The following PCDHGA3 variants were observed in gnomAD, a reference collection of about 807,000 sequenced individuals.
PCDHGA3 encodes protocadherin gamma-A3.
Under a neutral mutation model 58.5 loss-of-function variants are expected in PCDHGA3, and 40 were observed. The ratio of observed to expected loss-of-function variants is 0.68; its 90% CI spans 0.53 to 0.89. PCDHGA3 has a LOEUF of 0.89. Ranked by LOEUF, PCDHGA3 falls within the 40% of genes least tolerant of loss-of-function variation. The pLI is 0.00. For synonymous variants in PCDHGA3, 530 were observed against 525.7 expected, an observed-to-expected ratio of 1.01 and a Z score of -0.11; for missense variants, 1,223 against 1,195.9, an observed-to-expected ratio of 1.02 and a Z score of -0.33.
At chr5:141,507,862 G>A (rs17286954) in intron 3 of PCDHGA3, among the ~76,000 whole-genome samples, 4 of 152,076 alleles carry the variant, frequency 2.6e-5, no homozygotes, top group African/African-American at 7.2e-5. Flanking sequence ...TTTCACACCC[G>A]CTTCCTAGCC....
intron 1 of PCDHGA3, chr5:141,421,683 A>G (rs1238944281): frequency 1.2e-6 from 2 of 1,613,758 alleles, no homozygotes; most frequent in African/African-American, 1.3e-5. Flanking sequence ...CTGGGGCGCG[A>G]TTTGCTCTTC....
intron 1 of PCDHGA3, among the ~76,000 whole-genome samples, chr5:141,474,165 A>G (rs1444314307): frequency 6.6e-6 from 1 of 152,234 alleles, no homozygotes; most frequent in Non-Finnish European, 1.5e-5. Context: ...GACAGGCCTT[A>G]TTATTGAGAA....
intron 1 of PCDHGA3, among the ~76,000 whole-genome samples, chr5:141,456,101 G>A (rs1231843666): frequency 6.6e-6 from 1 of 151,970 alleles, no homozygotes; most frequent in African/African-American, 2.4e-5. Context: ...ATTTCACCGT[G>A]TTAGCCAGGA....
Position 141,476,698 on chromosome 5 carries a change from G to C in PCDHGA3, c.2425-18109G>C, listed in dbSNP as rs2075661. Reference sequence around the variant, plus strand: ...CGCGGGAGGACAGCACCAAGTACGCGGAGCTGGTGTTGGAGCGCGCCCTGG... The same window carrying C: ...CGCGGGAGGACAGCACCAAGTACGCCGAGCTGGTGTTGGAGCGCGCCCTGG... On this transcript the variant is annotated intron_variant, in intron 1 of 3. Transcript: ENST00000253812. The surrounding 1 kb of genome is among the most constrained non-coding windows in gnomAD (Gnocchi z 7.6). The C allele has an allele frequency of 0.2, 326,683 of 1,614,030 alleles. 35,085 individuals carry two copies. Among genetic ancestry groups the C allele is most frequent in the Admixed American group, 0.37 (22,021 of 59,992 alleles).
At chr5:141,385,415 T>C (rs1781181251) in intron 1 of PCDHGA3, 2 of 1,466,016 alleles carry the variant, frequency 1.4e-6, no homozygotes, top group Non-Finnish European at 1.8e-6. Context: ...AAAATAGGGA[T>C]TTAAAAAACT....
At chr5:141,374,519 G>A (rs769907625) in intron 1 of PCDHGA3, 5 of 1,612,332 alleles carry the variant, frequency 3.1e-6, no homozygotes, top group Admixed American at 1.7e-5. Context: ...TCTCGAAAAC[G>A]CAGCTCCATC....
Position 141,511,208 on chromosome 5 carries a change from C to T in PCDHGA3, c.*35C>T, listed in dbSNP as rs1278180818. 27 of 1,610,922 alleles carry T rather than the reference C, an allele frequency of 1.7e-5. No individual in the cohort carries two copies. Among genetic ancestry groups the T allele is most frequent in the Non-Finnish European group, 2.3e-5 (27 of 1,178,572 alleles). ...CAGGCCAAGAGCCACAGGGCGGCCT[C>T]TCCCCAACCAGCCCAGCTTCTCCTT... On this transcript the variant is annotated 3_prime_UTR_variant, in exon 4 of 4. Coordinates refer to ENST00000253812, the MANE Select transcript of PCDHGA3 (RefSeq NM_018916.4).
In PCDHGA3 at chr5:141,375,320, G is replaced by A. The variant is rs1338614455; in HGVS notation, c.2424+28863G>A. On this transcript the variant is annotated intron_variant, in intron 1 of 3. Coordinates refer to ENST00000253812, the MANE Select transcript of PCDHGA3 (RefSeq NM_018916.4). ...AGTGACAAATGCAGCTCTAGACCGG[G>A]AAGAGGTATTCTTGTACAACATCAC... is the stretch of plus-strand genomic sequence containing the variant. The A allele has an allele frequency of 6.2e-7, 1 of 1,613,688 alleles. No homozygotes were observed. The highest frequency in any genetic ancestry group is 2.2e-5 in the East Asian group (1 of 44,890).
intron 1 of PCDHGA3, among the ~76,000 whole-genome samples, chr5:141,479,992 G>A (rs1336315766): frequency 6.6e-6 from 1 of 152,204 alleles, no homozygotes; most frequent in Non-Finnish European, 1.5e-5. Context: ...CCAACTAGGA[G>A]TCTGTGGCCA....
At position 141,344,328 on chromosome 5, in the gene PCDHGA3, A is replaced by G; in HGVS notation, c.295A>G (p.Ile99Val). Residue 99 changes from isoleucine (I) to valine (V), a missense_variant, in exon 1 of 4, where the codon ATC becomes GTC. This residue lies in a region of PCDHGA3 where 791 missense variants were observed against 708.5 expected (regional missense o/e 1.12). Transcript: ENST00000253812. ...RIDREELCAQ[I>V]PLCLVKINIL... ...AGACCGGGAGGAGCTCTGCGCTCAG[A>G]TCCCGCTGTGTCTGGTAAAAATTAA... The G allele has an allele frequency of 1.2e-6, 2 of 1,614,060 alleles. No homozygotes were observed. The highest frequency in any genetic ancestry group is 8.5e-7 in the Non-Finnish European group (1 of 1,179,916).
intron 1 of PCDHGA3, chr5:141,394,510 C>A (rs371348730): frequency 3.1e-6 from 5 of 1,614,216 alleles, no homozygotes; most frequent in Non-Finnish European, 3.4e-6. Context: ...CTGTACCCCG[C>A]CCTCCCCACA....
chr5:141,375,892 G>T (rs753797132), intron 1 of PCDHGA3: 1 of 1,613,794 alleles, frequency 6.2e-7, no homozygotes, highest in African/African-American at 1.3e-5. Context: ...AGAACGCCTG[G>T]CTGTCCTACC....
chr5:141,451,116 CCA>C (rs1257364243), intron 1 of PCDHGA3, among the ~76,000 whole-genome samples: 1 of 152,200 alleles, frequency 6.6e-6, no homozygotes, highest in Non-Finnish European at 1.5e-5. Context: ...GCGTGAGCCA[CCA>C]CACCCAGCCT....
chr5:141,423,150 G>A, intron 1 of PCDHGA3: 1 of 1,613,538 alleles, frequency 6.2e-7, no homozygotes, highest in Non-Finnish European at 8.5e-7. Flanking sequence ...CGCTCAAGCA[G>A]AGCCTCGTGG....
chr5:141,350,483 A>C, intron 1 of PCDHGA3: 1 of 1,613,982 alleles, frequency 6.2e-7, no homozygotes. Flanking sequence ...TTTCAACGTT[A>C]GTTTGGAGAG....
chr5:141,403,788 A>G, intron 1 of PCDHGA3: 3 of 1,613,956 alleles, frequency 1.9e-6, no homozygotes, highest in South Asian at 1.1e-5. Context: ...AAAGTGGCAT[A>G]CAAATTCTGG....
intron 1 of PCDHGA3, among the ~76,000 whole-genome samples, chr5:141,386,304 C>T (rs1239396408): frequency 6.6e-6 from 1 of 152,104 alleles, no homozygotes; most frequent in African/African-American, 2.4e-5. Flanking sequence ...TAGTAAAGCT[C>T]AGTATATCAA....
At chr5:141,427,777 C>A in intron 1 of PCDHGA3, 1 of 1,432,382 alleles carries the variant, frequency 7.0e-7, no homozygotes, top group Non-Finnish European at 9.7e-7. Flanking sequence ...GAGCTGCGGG[C>A]ACTGTCGTCC....
Position 141,346,336 on chromosome 5 carries a change from T to C in PCDHGA3, c.2303T>C (p.Leu768Pro). ...ACTGCGGACTCGCGGAAGAGCCACC[T>C]GATTTTCCCCCAGCCCAACTATGCG... ...SLTADSRKSHLIFPQPNYADT... is the reference protein window; with the variant it reads ...SLTADSRKSHPIFPQPNYADT... The change falls in exon 1 of 4, where the codon CTG (leucine) becomes CCG (proline). Residue 768 changes from leucine to proline, a missense_variant. By Grantham distance (98) the Leu-to-Pro change is moderately conservative. Around this residue, in one of 3 missense-constraint regions of PCDHGA3, gnomAD observed 325 missense variants for 327.5 expected, o/e 0.99. Coordinates refer to ENST00000253812, the MANE Select transcript of PCDHGA3 (RefSeq NM_018916.4). The C allele has an allele frequency of 6.2e-7, 1 of 1,614,222 alleles. No individual in the cohort carries two copies. Among genetic ancestry groups the C allele is most frequent in the Non-Finnish European group, 8.5e-7 (1 of 1,180,044 alleles).
Sources: gnomAD v4.1 joint callset for allele counts (sites outside exome capture counted in the v4.1 genomes callset) on GRCh38, gnomAD v4.1.1 for gene constraint, gnomAD v4.1.1 regional missense constraint, Gnocchi (gnomAD v3.1) non-coding constraint, MANE v1.5 for transcripts, NCBI Gene and HGNC (gene_info 2026-07-23, HGNC 2026-07-21) for gene names.